The following CCDC197 variants were observed in gnomAD, a reference collection of about 807,000 sequenced individuals.
CCDC197 encodes coiled-coil domain containing 197, also known as uncharacterized protein CCDC197.
In CCDC197, 24 loss-of-function variants were observed where a neutral mutation model predicts 13.4. The observed-to-expected ratio is 1.80, with a 90% confidence interval of 1.30 to 2.53. CCDC197 has a LOEUF of 2.53. Ranked by LOEUF, CCDC197 falls within the 30% of genes most tolerant of loss-of-function variation. The pLI is 0.00. For missense variants in CCDC197, 255 were observed against 148.8 expected, an observed-to-expected ratio of 1.71 and a Z score of -3.71; for synonymous variants, 99 against 55.5, an observed-to-expected ratio of 1.78 and a Z score of -3.48.
chr14:93,990,611 G>A lies in CCDC197; in HGVS notation c.-107+3215G>A, dbSNP rs572105030. On this transcript the variant is annotated intron_variant, in intron 1 of 7. Coordinates refer to the CCDC197 transcript ENST00000640978. ...CCCAAGGTCAGGTAGTCCCATGGGA[G>A]ATTTTGGGAAGCTCCGATTCACCCT... Among the ~76,000 whole-genome samples the A allele has an allele frequency of 1.1e-3, 169 of 152,304 alleles. No homozygotes were observed. In the Middle Eastern group the frequency reaches 0.02, roughly 18 times the overall value.
chr14:93,999,549 C>G (rs530273938), intron 2 of CCDC197, 34 bp from the exon 3 acceptor site: 3 of 779,794 alleles, frequency 3.8e-6, no homozygotes, highest in East Asian at 2.4e-5. Flanking sequence ...GACCTGGGAG[C>G]CTCCAGGCCA....
chr14:94,008,671 G>A lies in CCDC197; in HGVS notation c.678G>A (p.Val226=), dbSNP rs1316464313. Residue 226 remains valine (V), a synonymous_variant, in exon 7 of 7, where the codon GTG becomes GTA. Transcript: ENST00000636493. ...TCGCACTGCTCACGGAACCCAAAGT[G>A]TGCTGGTCATGGGACAGCTTCGGGG... The part of the protein sequence containing the change: ...RLIALLTEPK[V]CWSWDSFGDQ... The A allele has an allele frequency of 7.1e-6, 5 of 702,938 alleles. No individual in the cohort carries two copies. Among genetic ancestry groups the A allele is most frequent in the Non-Finnish European group, 1.3e-5 (5 of 385,022 alleles). 43.5% of individuals were successfully genotyped at this position (702,938 alleles called of 1,614,324 possible). A position where few individuals can be genotyped will look rare whatever the true frequency, so the allele number is the denominator to read the frequency against.
intron 2 of CCDC197, among the ~76,000 whole-genome samples, chr14:93,999,100 C>A (rs1467961910): frequency 6.6e-6 from 1 of 152,252 alleles, no homozygotes; most frequent in East Asian, 1.9e-4. Flanking sequence ...TGGTGGGGCC[C>A]CCACCTCTGA....
chr14:93,991,327 C>T (rs950085935), intron 1 of CCDC197, among the ~76,000 whole-genome samples: 1 of 152,322 alleles, frequency 6.6e-6, no homozygotes, highest in African/African-American at 2.4e-5. Flanking sequence ...ATGACAGACA[C>T]TGTGCTGAGT....
chr14:94,002,822 C>A (rs1288423847), intron 4 of CCDC197, among the ~76,000 whole-genome samples: 11 of 143,748 alleles, frequency 7.7e-5, no homozygotes, highest in Non-Finnish European at 1.2e-4. Flanking sequence ...CGCTGCACTC[C>A]AGCCTGGGCA....
chr14:93,994,233 T>C (rs941582047), upstream of CCDC197, among the ~76,000 whole-genome samples: 2 of 152,224 alleles, frequency 1.3e-5, no homozygotes, highest in Admixed American at 6.5e-5. Context: ...TCTTCTGCTA[T>C]TGCATCTTGA....
chr14:93,995,971 G>A (rs1353888539), upstream of CCDC197, among the ~76,000 whole-genome samples: 1 of 152,188 alleles, frequency 6.6e-6, no homozygotes, highest in African/African-American at 2.4e-5. Context: ...TACGGTTTGC[G>A]CAGGATGTGC....
At chr14:93,997,217 A>G (rs1325266833), upstream of CCDC197, 5 of 152,248 alleles carry the variant, frequency 3.3e-5, no homozygotes, top group Admixed American at 1.3e-4. Context: ...GGATCCTGCA[A>G]TGGACACATC....
chr14:93,993,136 C>G (rs1361541804), upstream of CCDC197, among the ~76,000 whole-genome samples: 1 of 152,196 alleles, frequency 6.6e-6, no homozygotes. Flanking sequence ...AGCTCCTGTG[C>G]TCTTGCATTA....
intron 4 of CCDC197, 114 bp downstream of exon 4, chr14:94,001,437 T>C: frequency 1.8e-6 from 1 of 555,994 alleles, no homozygotes. Flanking sequence ...GGCGTAATGC[T>C]GGGGGGCCCT....
chr14:93,996,440 C>T (rs560093645), upstream of CCDC197, among the ~76,000 whole-genome samples: 5 of 149,110 alleles, frequency 3.4e-5, no homozygotes, highest in Admixed American at 6.6e-5. Context: ...GGCCCCAGCC[C>T]GAGCCTTTGA....
At chr14:93,999,029 G>T (rs1890407932) in intron 2 of CCDC197, among the ~76,000 whole-genome samples, 1 of 152,230 alleles carries the variant, frequency 6.6e-6, no homozygotes, top group African/African-American at 2.4e-5. Flanking sequence ...CTTGCTTAGG[G>T]ATTCCCCAAA....
chr14:94,008,605 C>T lies in CCDC197; in HGVS notation c.616-4C>T, dbSNP rs780911273. The T allele has an allele frequency of 1.7e-5, 12 of 699,962 alleles. No homozygotes were observed. Among genetic ancestry groups the T allele is most frequent in the South Asian group, 1.3e-4 (9 of 67,562 alleles). The allele number at this position is 699,962 out of a possible 1,614,324, so 43.4% of individuals were successfully genotyped here. On this transcript the variant is annotated splice_region_variant and splice_polypyrimidine_tract_variant and intron_variant, in intron 6 of 6. Transcript: ENST00000636493. The stretch of plus-strand genomic sequence containing the variant: ...TCAGGTGAGAGATTTATTTTCCCTC[C>T]CAGGAGTTCATGTTGGACAAAATGG...
Position 94,003,324 on chromosome 14 carries a change from C to G in CCDC197, c.468C>G (p.Asp156Glu). ...GCATCACTTACCAGAAGGACATTGA[C>G]TTTGACACACACACCAGCAGCAGCT... ...KHSITYQKDIDFDTHTSSSYN... is the reference protein window; with the variant it reads ...KHSITYQKDIEFDTHTSSSYN... The change falls in exon 5 of 7, where the codon GAC becomes GAG. Residue 156 changes from aspartate (D) to glutamate (E), a missense_variant. Physicochemically the swap from Asp to Glu is conservative, Grantham distance 45. Transcript: ENST00000636493. This position sits in a 1 kb window ranked among gnomAD's most constrained non-coding sequence, Gnocchi z 5.0. The G allele has an allele frequency of 1.7e-6, 1 of 583,324 alleles. No individual in the cohort carries two copies. The highest frequency in any genetic ancestry group is 3.4e-6 in the Non-Finnish European group (1 of 293,032). 36.1% of individuals were successfully genotyped at this position (583,324 alleles called of 1,614,324 possible).
chr14:93,999,745 C>T (rs1193846160), intron 3 of CCDC197, 80 bp downstream of exon 3: 1 of 755,960 alleles, frequency 1.3e-6, no homozygotes, highest in Admixed American at 1.8e-5. Flanking sequence ...CGTGTGTGGC[C>T]TCATGGAGCC....
In CCDC197 at chr14:94,002,265, T is replaced by C. The variant is rs756190498; in HGVS notation, c.366+942T>C. ...TTCTTTCCCTCTCTCTCTCGCCCCC[T>C]CTCTCTCTTTCTTTCTTTCCTTCTT... On this transcript the variant is annotated intron_variant, in intron 4 of 6. Transcript: ENST00000636493. Among the ~76,000 whole-genome samples, 24 of 152,052 alleles carry C rather than the reference T, an allele frequency of 1.6e-4. 1 individual carries two copies. The highest frequency in any genetic ancestry group is 5.5e-4 in the African/African-American group (23 of 41,464).
At chr14:93,987,606 T>C (rs1446442976) in intron 1 of CCDC197, among the ~76,000 whole-genome samples, 1 of 152,148 alleles carries the variant, frequency 6.6e-6, no homozygotes. Flanking sequence ...GGGGTTGGTG[T>C]GGGCACTGGG....
chr14:94,006,358 T>G (rs865853196), intron 6 of CCDC197, among the ~76,000 whole-genome samples: 935 of 83,400 alleles, frequency 0.011, 13 homozygotes, highest in South Asian at 0.071. Flanking sequence ...TTATTTGTAT[T>G]TTTTTTTTTT....
chr14:94,009,446 T>C (rs2141395158), downstream of CCDC197, among the ~76,000 whole-genome samples: 1 of 151,654 alleles, frequency 6.6e-6, no homozygotes, highest in African/African-American at 2.4e-5. Flanking sequence ...TGGGAGAGAG[T>C]GTCGGACACA....
Sources: allele counts gnomAD v4.1 joint callset (sites outside exome capture counted in the v4.1 genomes callset), GRCh38; gene constraint gnomAD v4.1.1; non-coding constraint Gnocchi (gnomAD v3.1); transcripts MANE v1.5; gene names NCBI Gene and HGNC (gene_info 2026-07-23, HGNC 2026-07-21).